HIVEP2: variants seen among roughly 807,000 people sequenced by gnomAD.
HIVEP2 encodes transcription factor HIVEP2.
HIVEP2 carries 14 observed loss-of-function variants against 180.7 expected under a neutral mutation model. The ratio of observed to expected loss-of-function variants is 0.08; its 90% CI spans 0.05 to 0.12. The LOEUF (loss-of-function observed/expected upper bound fraction) is 0.12. HIVEP2 is among the 10% of genes least tolerant of loss of function. The probability of loss-of-function intolerance (pLI) is 1.00; values close to 1 mark genes in which losing one functional copy is unlikely to be tolerated. For synonymous variants in HIVEP2, 1,184 were observed against 1,136.4 expected (o/e 1.04, Z -0.84); for missense variants, 2,579 against 3,008.5 (o/e 0.86, Z 3.34).
At chr6:142,932,802 C>T (rs1429150304) in intron 1 of HIVEP2, among the ~76,000 whole-genome samples, 1 of 152,174 alleles carries the variant, frequency 6.6e-6, no homozygotes, top group East Asian at 1.9e-4. Context: ...GGTAATTTGT[C>T]CTAAGTGATT....
chr6:142,904,983 A>T (rs1777227417), intron 1 of HIVEP2, among the ~76,000 whole-genome samples: 1 of 152,194 alleles, frequency 6.6e-6, no homozygotes, highest in South Asian at 2.1e-4. Flanking sequence ...CTCTCCTTTT[A>T]AGATTTGTTA....
At chr6:142,845,390 T>C (rs554346862) in intron 1 of HIVEP2, among the ~76,000 whole-genome samples, 1 of 152,152 alleles carries the variant, frequency 6.6e-6, no homozygotes, top group East Asian at 1.9e-4. Context: ...CAACAATAAG[T>C]TCTCTCTCCC....
At chr6:142,911,139 T>C (rs200651104) in intron 1 of HIVEP2, among the ~76,000 whole-genome samples, 53 of 106,218 alleles carry the variant, frequency 5.0e-4, no homozygotes, top group African/African-American at 2.0e-3. Flanking sequence ...ACAAACACAT[T>C]AAAAAAAAAA....
chr6:142,753,913 G>A lies in HIVEP2; in HGVS notation c.6535C>T (p.Pro2179Ser), dbSNP rs779720055. ...LGPPNLRRGL[P>S]QVPYFSLYGD... Reference sequence around the variant, plus strand: ...TAGAGACTGAAGTAAGGAACCTGAGGTAATCCTCTTCTTAAATTCTGCGCA... The same window carrying A: ...TAGAGACTGAAGTAAGGAACCTGAGATAATCCTCTTCTTAAATTCTGCGCA... Residue 2179 changes from proline (P) to serine (S), a missense_variant, in exon 10 of 10, where the codon CCT (proline) becomes TCT (serine). By Grantham distance (74) the Pro-to-Ser change is moderately conservative. This residue lies in a region of HIVEP2 where 660 missense variants were observed against 731.7 expected (regional missense o/e 0.90). Transcript: ENST00000367603. The A allele has an allele frequency of 6.3e-7, 1 of 1,588,914 alleles. No homozygotes were observed. The highest frequency in any genetic ancestry group is 8.6e-7 in the Non-Finnish European group (1 of 1,163,840).
chr6:142,754,001 G>T (rs894064932), intron 9 of HIVEP2, 70 bp from the exon 10 acceptor site: 2 of 787,974 alleles, frequency 2.5e-6, no homozygotes, highest in African/African-American at 3.4e-5. Flanking sequence ...CAAGCTGTTG[G>T]ATTCATTCAC....
intron 1 of HIVEP2, among the ~76,000 whole-genome samples, chr6:142,851,941 A>G (rs1775690734): frequency 6.6e-6 from 1 of 152,230 alleles, no homozygotes; most frequent in South Asian, 2.1e-4. Context: ...CTTAGAACGA[A>G]GGTCATTGCT....
chr6:142,769,188 C>T (rs1775453945), intron 5 of HIVEP2, among the ~76,000 whole-genome samples: 1 of 152,206 alleles, frequency 6.6e-6, no homozygotes, highest in South Asian at 2.1e-4. Context: ...GCCCACTTCA[C>T]AATTCCCTGA....
intron 1 of HIVEP2, among the ~76,000 whole-genome samples, chr6:142,900,378 A>G (rs1351280611): frequency 1.3e-5 from 2 of 152,172 alleles, no homozygotes; most frequent in Non-Finnish European, 2.9e-5. Flanking sequence ...TACCCACTTC[A>G]CCAATCACTC....
At chr6:142,784,549 G>A (rs1049423774) in intron 2 of HIVEP2, among the ~76,000 whole-genome samples, 33 of 152,108 alleles carry the variant, frequency 2.2e-4, no homozygotes, top group African/African-American at 1.7e-4. Flanking sequence ...AGGCCCACTC[G>A]GTTCCTCAAA....
At chr6:142,857,547 C>T (rs921077421) in intron 1 of HIVEP2, among the ~76,000 whole-genome samples, 4 of 152,200 alleles carry the variant, frequency 2.6e-5, no homozygotes, top group Non-Finnish European at 4.4e-5. Flanking sequence ...AATTCTACTT[C>T]GGGTGCAGCT....
intron 2 of HIVEP2, among the ~76,000 whole-genome samples, chr6:142,807,831 C>A (rs1389586421): frequency 6.6e-6 from 1 of 152,152 alleles, no homozygotes; most frequent in Non-Finnish European, 1.5e-5. Context: ...GAAGGACTGG[C>A]CAGTGACCCA....
chr6:142,887,083 T>C (rs1260009441), intron 1 of HIVEP2, among the ~76,000 whole-genome samples: 2 of 152,206 alleles, frequency 1.3e-5, no homozygotes, highest in Non-Finnish European at 2.9e-5. Context: ...TTTGAGGAAG[T>C]ACACGTGTAC....
In HIVEP2 at chr6:142,793,651, TCTTTC is replaced by T. The variant is rs772858231; in HGVS notation, c.-527-10041_-527-10037del. Among the ~76,000 whole-genome samples, 13 of 71,632 alleles carry T rather than the reference TCTTTC, an allele frequency of 1.8e-4. No homozygotes were observed. The East Asian group carries it at 7.3e-3, about 40-fold the overall frequency. The allele number at this position is 71,632 out of a possible 152,430, so 47.0% of individuals were successfully genotyped here. On this transcript the variant is annotated intron_variant, in intron 2 of 9. Coordinates refer to ENST00000367603, the MANE Select transcript of HIVEP2 (RefSeq NM_006734.4). ...TTCTTTCTTTCTTTCTTTCTTTCTT[TCTTTC>T]TTTTTTCTTTCTTTCTTTCTCTCTC...
At chr6:142,916,758 T>C (rs896127978) in intron 1 of HIVEP2, among the ~76,000 whole-genome samples, 3 of 152,202 alleles carry the variant, frequency 2.0e-5, no homozygotes, top group African/African-American at 7.2e-5. Flanking sequence ...GGTCCTCCAA[T>C]GAGGACTGAA....
rs1182932822 is a variant in HIVEP2 at position 142,863,299 on chromosome 6, C to A, written c.-640-26252G>T. ...CTACCAGTTATAGTAGTTTGTGTTA[C>A]TTTAATGTAAATCCTAGATACAAAC... On this transcript the variant is annotated intron_variant, in intron 1 of 9. Transcript: ENST00000367603. Among the ~76,000 whole-genome samples the A allele has an allele frequency of 2.0e-5, 3 of 151,634 alleles. No homozygotes were observed. In the South Asian group the frequency reaches 6.2e-4, roughly 31 times the overall value.
At chr6:142,859,244 G>C (rs1303000833) in intron 1 of HIVEP2, among the ~76,000 whole-genome samples, 1 of 151,978 alleles carries the variant, frequency 6.6e-6, no homozygotes, top group Non-Finnish European at 1.5e-5. Context: ...ACTCTGGGAG[G>C]ATCACTTGAG....
intron 1 of HIVEP2, among the ~76,000 whole-genome samples, chr6:142,921,261 G>T (rs989568816): frequency 6.6e-6 from 1 of 152,196 alleles, no homozygotes; most frequent in African/African-American, 2.4e-5. Flanking sequence ...ATGAGGATAG[G>T]CTGCGCAAGG....
At chr6:142,793,297 T>C (rs1020570855) in intron 2 of HIVEP2, among the ~76,000 whole-genome samples, 1 of 152,134 alleles carries the variant, frequency 6.6e-6, no homozygotes, top group African/African-American at 2.4e-5. Context: ...GAGTAGAAAA[T>C]TGTGATACTC....
chr6:142,876,246 G>A (rs1156935117), intron 1 of HIVEP2, among the ~76,000 whole-genome samples: 2 of 152,146 alleles, frequency 1.3e-5, no homozygotes, highest in African/African-American at 4.8e-5. Flanking sequence ...ATAAATTTGA[G>A]GAGTTTTGGT....
Sources: allele counts gnomAD v4.1 joint callset (sites outside exome capture counted in the v4.1 genomes callset), GRCh38; gene constraint gnomAD v4.1.1; regional missense constraint gnomAD v4.1.1; transcripts MANE v1.5; gene names NCBI Gene and HGNC (gene_info 2026-07-23, HGNC 2026-07-21).